GNAT3: variants seen among roughly 807,000 people sequenced by gnomAD.
GNAT3 encodes the protein G protein subunit alpha transducin 3, also known as guanine nucleotide-binding protein G(t) subunit alpha-3.
In GNAT3, 31 loss-of-function variants were observed where a neutral mutation model predicts 37.7. The ratio of observed to expected loss-of-function variants is 0.82; its 90% confidence interval spans 0.62 to 1.11. GNAT3 has a LOEUF of 1.11. GNAT3 is among the 50% of genes most tolerant of loss of function. GNAT3 has a pLI of 0.00. For missense variants in GNAT3, 437 were observed against 412.5 expected, an observed-to-expected ratio of 1.06 and a Z score of -0.51; for synonymous variants, 138 against 139.8, an observed-to-expected ratio of 0.99 and a Z score of 0.09.
intron 1 of GNAT3, among the ~76,000 whole-genome samples, chr7:80,500,777 T>A (rs976795458): frequency 2.0e-5 from 3 of 152,128 alleles, no homozygotes; most frequent in African/African-American, 7.2e-5. Flanking sequence ...TGGCACCTCC[T>A]GACATTCTTT....
chr7:80,478,482 G>A (rs6467192), intron 4 of GNAT3, among the ~76,000 whole-genome samples: 39,779 of 152,048 alleles, frequency 0.26, 9,220 homozygotes, highest in African/African-American at 0.63. Flanking sequence ...CACTAATATG[G>A]ATAGAGATGA....
rs749128157 is a variant in GNAT3 at position 80,511,801 on chromosome 7, G to T, written c.118+8C>A. 1 of 1,573,344 alleles carries T rather than the reference G, an allele frequency of 6.4e-7. No homozygotes were observed. On this transcript the variant is annotated splice_region_variant and intron_variant, in intron 1 of 7. Coordinates refer to ENST00000398291, the MANE Select transcript of GNAT3 (RefSeq NM_001102386.3). ...AGGTTTTTGAAAGCAAAAGGGAAAAGAAATTACCTAATAGTAGCAGCTTTA... is the reference window on the plus strand; with the variant it reads ...AGGTTTTTGAAAGCAAAAGGGAAAATAAATTACCTAATAGTAGCAGCTTTA...
intron 5 of GNAT3, among the ~76,000 whole-genome samples, chr7:80,470,797 A>C (rs1340853856): frequency 6.6e-6 from 1 of 152,100 alleles, no homozygotes; most frequent in East Asian, 1.9e-4. Context: ...GTAAGAATAA[A>C]ATGTATTTTA....
At chr7:80,511,437 A>G (rs1487100888) in intron 1 of GNAT3, among the ~76,000 whole-genome samples, 2 of 152,142 alleles carry the variant, frequency 1.3e-5, no homozygotes, top group African/African-American at 4.8e-5. Context: ...ACAAAATAAT[A>G]TAACTCTTTA....
intron 5 of GNAT3, among the ~76,000 whole-genome samples, chr7:80,465,185 A>C (rs1790111700): frequency 6.6e-6 from 1 of 152,162 alleles, no homozygotes; most frequent in African/African-American, 2.4e-5. Flanking sequence ...AGTGTTTTTC[A>C]GACTTCGTAA....
At chr7:80,480,133 T>A (rs1054913346) in intron 3 of GNAT3, among the ~76,000 whole-genome samples, 27 of 152,202 alleles carry the variant, frequency 1.8e-4, no homozygotes, top group African/African-American at 6.5e-4. Flanking sequence ...ATAACTAAAT[T>A]GACTGTGGTA....
intron 1 of GNAT3, among the ~76,000 whole-genome samples, chr7:80,502,911 T>A (rs1333730362): frequency 6.6e-6 from 1 of 152,140 alleles, no homozygotes; most frequent in Admixed American, 6.5e-5. Context: ...CCTCAAATCT[T>A]ATTTTCAAAC....
Position 80,469,208 on chromosome 7 carries a change from C to T in GNAT3, c.590+5043G>A, listed in dbSNP as rs116980660. ...TATATCATAGATCTGCTCAAACATTCTTATAAACAGTTATGGTAATTTATG... is the reference window on the plus strand; with the variant it reads ...TATATCATAGATCTGCTCAAACATTTTTATAAACAGTTATGGTAATTTATG... On this transcript the variant is annotated intron_variant, in intron 5 of 7. Transcript: ENST00000398291. 1.2e-3 allele frequency among the ~76,000 whole-genome samples: 187 copies of T among 152,236 alleles called. 5 individuals carry two copies. In the East Asian group the frequency reaches 0.032, roughly 26 times the overall value.
intron 4 of GNAT3, among the ~76,000 whole-genome samples, chr7:80,478,639 G>T (rs762772672): frequency 2.6e-5 from 4 of 152,056 alleles, no homozygotes; most frequent in Non-Finnish European, 5.9e-5. Flanking sequence ...TATTTAAAAT[G>T]CTCCCCTGGT....
At chr7:80,503,221 T>C (rs1364528401) in intron 1 of GNAT3, among the ~76,000 whole-genome samples, 1 of 152,200 alleles carries the variant, frequency 6.6e-6, no homozygotes, top group Admixed American at 6.5e-5. Flanking sequence ...CTAGCCACCA[T>C]GAACAAATCA....
chr7:80,473,940 T>C lies in GNAT3; in HGVS notation c.590+311A>G, dbSNP rs368120314. Among the ~76,000 whole-genome samples, 235 of 152,264 alleles carry C rather than the reference T, an allele frequency of 1.5e-3. 8 individuals carry two copies. The South Asian group carries it at 0.047, about 31-fold the overall frequency. ...CCTGGCACCCATTTCTTGTATGTTATTTAAATACATTTTCTTTTTTTTCCC... is the reference window on the plus strand; with the variant it reads ...CCTGGCACCCATTTCTTGTATGTTACTTAAATACATTTTCTTTTTTTTCCC... On this transcript the variant is annotated intron_variant, in intron 5 of 7. Transcript: ENST00000398291.
chr7:80,493,118 A>G (rs113793553), intron 2 of GNAT3, among the ~76,000 whole-genome samples: 1 of 151,978 alleles, frequency 6.6e-6, no homozygotes, highest in East Asian at 1.9e-4. Context: ...ACGGTTTACT[A>G]TATTTAAAAG....
Position 80,462,503 on chromosome 7 carries a change from ACTT to A in GNAT3, c.716_718del (p.Glu239del). The A allele has an allele frequency of 6.2e-7, 1 of 1,612,870 alleles. No homozygotes were observed. The highest frequency in any genetic ancestry group is 8.5e-7 in the Non-Finnish European group (1 of 1,179,552). On this transcript the variant is annotated inframe_deletion and splice_region_variant, in exon 6 of 8. Transcript: ENST00000398291. ...GCTTTGTTTTTCCTTTAGACTTACCACTTCTTCGTCTTCCACGAGGACCATGTC... is the reference window on the plus strand; with the variant it reads ...GCTTTGTTTTTCCTTTAGACTTACCACTTCGTCTTCCACGAGGACCATGTC...
At position 80,474,266 on chromosome 7, in the gene GNAT3, T is replaced by C. The variant is rs1417410177; in HGVS notation, c.575A>G (p.Lys192Arg). Residue 192 changes from lysine to arginine, a missense_variant, in exon 5 of 8, where the codon AAA (lysine) becomes AGA (arginine). By Grantham distance (26) the Lys-to-Arg change is conservative. Coordinates refer to ENST00000398291, the MANE Select transcript of GNAT3 (RefSeq NM_001102386.3). ...TTGATCATACCTGAAGTGCAAGTCT[T>C]TAAAGGAGAATTGAGTTTCAATGAT... ...TGIIETQFSFKDLHFRMFDVG... is the reference protein window; with the variant it reads ...TGIIETQFSFRDLHFRMFDVG... 6 of 1,603,694 alleles carry C rather than the reference T, an allele frequency of 3.7e-6. No individual in the cohort carries two copies. Among genetic ancestry groups the C allele is most frequent in the African/African-American group, 2.7e-5 (2 of 74,776 alleles).
At chr7:80,490,784 T>G (rs139065269) in intron 2 of GNAT3, among the ~76,000 whole-genome samples, 1 of 152,196 alleles carries the variant, frequency 6.6e-6, no homozygotes, top group Admixed American at 6.5e-5. Flanking sequence ...CCCCAACTTA[T>G]TCAGTTAGTT....
chr7:80,484,985 C>A (rs1227494581), intron 3 of GNAT3, among the ~76,000 whole-genome samples: 1 of 152,076 alleles, frequency 6.6e-6, no homozygotes, highest in East Asian at 1.9e-4. Context: ...CTCCATATTT[C>A]TAAATCCAAT....
chr7:80,504,040 G>C (rs1374886399), intron 1 of GNAT3, among the ~76,000 whole-genome samples: 1 of 152,216 alleles, frequency 6.6e-6, no homozygotes, highest in African/African-American at 2.4e-5. Context: ...TTATCGCTCA[G>C]GGTGGAGGCT....
intron 1 of GNAT3, among the ~76,000 whole-genome samples, chr7:80,509,110 G>C (rs1218494107): frequency 6.6e-6 from 1 of 152,012 alleles, no homozygotes; most frequent in Non-Finnish European, 1.5e-5. Flanking sequence ...GAGGAGATTT[G>C]AGGGTAGGAG....
rs551771468 is a variant in GNAT3 at position 80,499,627 on chromosome 7, G to T, written c.119-4980C>A. On this transcript the variant is annotated intron_variant, in intron 1 of 7. Transcript: ENST00000398291. ...TCACAGGTAGACTGTTGGTATAAAA[G>T]ATTTTTAGGGTAGTCTCTTTTGAGC... Among the ~76,000 whole-genome samples the T allele has an allele frequency of 2.6e-5, 4 of 152,286 alleles. No individual in the cohort carries two copies. The South Asian group carries it at 8.3e-4, about 32-fold the overall frequency.
Sources: allele counts gnomAD v4.1 joint callset (sites outside exome capture counted in the v4.1 genomes callset), GRCh38; gene constraint gnomAD v4.1.1; transcripts MANE v1.5; gene names NCBI Gene and HGNC (gene_info 2026-07-23, HGNC 2026-07-21).